UBE3C: variants seen among roughly 807,000 people sequenced by gnomAD.
The protein encoded by UBE3C is ubiquitin-protein ligase E3C.
UBE3C carries 42 observed loss-of-function variants against 129.4 expected under a neutral mutation model. That is an observed-to-expected ratio of 0.32 (90% CI 0.25 to 0.42). The LOEUF (loss-of-function observed/expected upper bound fraction) is 0.42, where lower values mean the gene tolerates loss of function less well. Ranked by LOEUF, UBE3C falls within the 10% of genes least tolerant of loss-of-function variation. The pLI is 1.00. For synonymous variants in UBE3C, 510 were observed against 492.4 expected, an observed-to-expected ratio of 1.04 and a Z score of -0.47; for missense variants, 1,049 against 1,319.1, an observed-to-expected ratio of 0.80 and a Z score of 3.17.
chr7:157,261,440 TCTTA>T (rs1184500344), intron 22 of UBE3C, among the ~76,000 whole-genome samples: 3 of 83,846 alleles, frequency 3.6e-5, no homozygotes, highest in African/African-American at 7.4e-5. Context: ...CATGAGACGG[TCTTA>T]CTGTTTTTTT....
chr7:157,255,148 C>T (rs758097164), intron 21 of UBE3C, among the ~76,000 whole-genome samples: 3 of 151,276 alleles, frequency 2.0e-5, no homozygotes, highest in East Asian at 1.9e-4. Flanking sequence ...ACATACACAA[C>T]GTACATGGGC....
At chr7:157,178,611 T>C in intron 5 of UBE3C, 79 bp from the exon 6 acceptor site, 1 of 1,455,688 alleles carries the variant, frequency 6.9e-7, no homozygotes, top group African/African-American at 1.4e-5. Context: ...TCTTAACCAT[T>C]GTCACTGAGA....
chr7:157,184,037 C>T lies in UBE3C; in HGVS notation c.1143+8C>T. On this transcript the variant is annotated splice_region_variant and intron_variant, in intron 9 of 22. Coordinates refer to ENST00000348165, the MANE Select transcript of UBE3C (RefSeq NM_014671.3). ...GACAAGCCCTCAAGCCCGGTAAGCC[C>T]CGTGCCCTGCATCTGGGGGGCTGCG... 5 of 1,613,058 alleles carry T rather than the reference C, an allele frequency of 3.1e-6. No individual in the cohort carries two copies. Among genetic ancestry groups the T allele is most frequent in the Non-Finnish European group, 4.2e-6 (5 of 1,179,310 alleles).
chr7:157,139,981 C>CT (rs1807392540), intron 1 of UBE3C: 4 of 985,412 alleles, frequency 4.1e-6, no homozygotes, highest in Non-Finnish European at 3.6e-6. Flanking sequence ...AGACTCCGGA[C>CT]TTACATCTGT....
chr7:157,197,932 G>A, intron 10 of UBE3C: 1 of 1,607,986 alleles, frequency 6.2e-7, no homozygotes, highest in Admixed American at 1.7e-5. Context: ...AGCCTTCCAA[G>A]TTTTTGCCCT....
In UBE3C at chr7:157,254,127, T is replaced by A. The variant is rs1327261301; in HGVS notation, c.2868T>A (p.Asp956Glu). 4 of 1,610,700 alleles carry A rather than the reference T, an allele frequency of 2.5e-6. No homozygotes were observed. The highest frequency in any genetic ancestry group is 3.4e-6 in the Non-Finnish European group (4 of 1,178,214). Residue 956 changes from aspartate (D) to glutamate (E), a missense_variant, in exon 20 of 23, where the codon GAT becomes GAA. Transcript: ENST00000348165. ...GCCTCGAGTGGCTCCGAATGTTTGATCAGCAAGAAATTCAGGTACCCTACC... is the reference window on the plus strand; with the variant it reads ...GCCTCGAGTGGCTCCGAATGTTTGAACAGCAAGAAATTCAGGTACCCTACC... Reference protein sequence around the residue: ...VVSLEWLRMFDQQEIQVLISG... With the variant: ...VVSLEWLRMFEQQEIQVLISG...
chr7:157,207,670 A>C, intron 12 of UBE3C, 33 bp from the exon 13 acceptor site: 1 of 1,599,278 alleles, frequency 6.3e-7, no homozygotes, highest in Admixed American at 1.8e-5. Flanking sequence ...AGATGGAAAA[A>C]GAAACAATAG....
chr7:157,191,250 CGT>C (rs1455334758), intron 10 of UBE3C, among the ~76,000 whole-genome samples: 1 of 152,082 alleles, frequency 6.6e-6, no homozygotes, highest in Non-Finnish European at 1.5e-5. Flanking sequence ...TGTGCACGCG[CGT>C]GTGTATGTGT....
At chr7:157,216,774 C>T (rs1007057164) in intron 13 of UBE3C, 93 bp from the exon 14 acceptor site, 96 of 991,696 alleles carry the variant, frequency 9.7e-5, no homozygotes, top group Non-Finnish European at 1.3e-4. Flanking sequence ...CCTGCACCAC[C>T]GCTGTGTGCT....
chr7:157,151,116 G>A (rs1057115944), intron 1 of UBE3C, among the ~76,000 whole-genome samples: 21 of 152,210 alleles, frequency 1.4e-4, no homozygotes, highest in African/African-American at 4.6e-4. Context: ...CGGGGTGAGG[G>A]GAGTCGGGCT....
At chr7:157,232,955 A>G (rs528804380) in intron 18 of UBE3C, among the ~76,000 whole-genome samples, 6 of 152,326 alleles carry the variant, frequency 3.9e-5, no homozygotes, top group African/African-American at 1.4e-4. Context: ...GGTTTTTAAT[A>G]TATTCACTGT....
chr7:157,151,382 G>A (rs1192576376), intron 1 of UBE3C, among the ~76,000 whole-genome samples: 2 of 152,202 alleles, frequency 1.3e-5, no homozygotes, highest in Non-Finnish European at 2.9e-5. Flanking sequence ...CATACATTTT[G>A]GTGAATGTGA....
chr7:157,208,209 G>T (rs887967457), intron 13 of UBE3C, among the ~76,000 whole-genome samples: 1 of 151,270 alleles, frequency 6.6e-6, no homozygotes, highest in African/African-American at 2.4e-5. Context: ...TGAGTAGCTG[G>T]GGCTACTGGC....
chr7:157,207,978 T>C lies in UBE3C; in HGVS notation c.1809+43T>C, dbSNP rs1809481380. ...TTTTTTGTTTACTGACATTGAAAAA[T>C]GTACAAACTTTTGTCTTGACTCGTT... is the stretch of plus-strand genomic sequence containing the variant. On this transcript the variant is annotated intron_variant, in intron 13 of 22. Transcript: ENST00000348165. The C allele has an allele frequency of 1.2e-5, 16 of 1,316,550 alleles. No homozygotes were observed. The East Asian group carries it at 4.6e-4, about 38-fold the overall frequency. The allele number at this position is 1,316,550 out of a possible 1,614,324, so 81.6% of individuals were successfully genotyped here.
intron 1 of UBE3C, among the ~76,000 whole-genome samples, chr7:157,162,088 G>T (rs1326734126): frequency 6.6e-6 from 1 of 152,020 alleles, no homozygotes. Flanking sequence ...AAAAAGGATA[G>T]AAACTTTGAT....
chr7:157,150,743 A>T (rs1172058722), intron 1 of UBE3C, among the ~76,000 whole-genome samples: 3 of 152,248 alleles, frequency 2.0e-5, no homozygotes, highest in Non-Finnish European at 4.4e-5. Context: ...TCTGCATTTA[A>T]ATTATGTTTA....
At chr7:157,177,930 T>G (rs1808564732) in intron 5 of UBE3C, among the ~76,000 whole-genome samples, 2 of 77,432 alleles carry the variant, frequency 2.6e-5, no homozygotes. Flanking sequence ...ATGGATTCTG[T>G]TTTTTTTTTT....
intron 22 of UBE3C, among the ~76,000 whole-genome samples, chr7:157,260,782 G>C (rs186905600): frequency 1.3e-5 from 2 of 152,276 alleles, no homozygotes; most frequent in African/African-American, 2.4e-5. Flanking sequence ...TGGCTAATTA[G>C]ATAATGCTAA....
Position 157,225,468 on chromosome 7 carries a change from A to T in UBE3C, c.2162A>T (p.Asp721Val), listed in dbSNP as rs1297934593. Residue 721 changes from aspartate to valine, a missense_variant, in exon 17 of 23, where the codon GAT becomes GTT. Transcript: ENST00000348165. ...QEVQGDGPFLDGINVTIRRNY... is the reference protein window; with the variant it reads ...QEVQGDGPFLVGINVTIRRNY... ...GTTCAAGGAGATGGTCCATTTCTGG[A>T]TGGAATTAATGTCACAATAAGAAGA... The T allele has an allele frequency of 6.2e-7, 1 of 1,604,044 alleles. No individual in the cohort carries two copies. The highest frequency in any genetic ancestry group is 8.5e-7 in the Non-Finnish European group (1 of 1,177,668).
Sources: gnomAD v4.1 joint callset for allele counts (sites outside exome capture counted in the v4.1 genomes callset) on GRCh38, gnomAD v4.1.1 for gene constraint, MANE v1.5 for transcripts, NCBI Gene and HGNC (gene_info 2026-07-23, HGNC 2026-07-21) for gene names.